Variants in DDX50 observed in about 807,000 individuals in gnomAD.
DDX50 encodes ATP-dependent RNA helicase DDX50.
A neutral mutation model predicts 94.8 loss-of-function variants in DDX50; 56 were observed. The observed-to-expected ratio is 0.59, with a 90% confidence interval of 0.48 to 0.74. The LOEUF is 0.74. Ranked by LOEUF, DDX50 falls within the 30% of genes least tolerant of loss-of-function variation. DDX50 has a pLI of 0.00. For missense variants in DDX50, 713 were observed against 881.2 expected (o/e 0.81, Z 2.42); for synonymous variants, 264 against 295.4 (o/e 0.89, Z 1.09).
intron 1 of DDX50, among the ~76,000 whole-genome samples, chr10:68,905,388 G>A (rs1019360681): frequency 1.3e-5 from 2 of 149,662 alleles, no homozygotes; most frequent in Admixed American, 6.7e-5. Context: ...CTGTCCTTCC[G>A]TGGAAGTATA....
intron 8 of DDX50, among the ~76,000 whole-genome samples, chr10:68,931,219 C>G (rs545994142): frequency 5.3e-5 from 8 of 151,348 alleles, no homozygotes; most frequent in African/African-American, 1.5e-4. Context: ...TTTTGTTCAC[C>G]TTTTTATCCC....
chr10:68,937,240 C>G (rs1842445332), intron 12 of DDX50, 145 bp downstream of exon 12: 1 of 844,038 alleles, frequency 1.2e-6, no homozygotes, highest in African/African-American at 1.8e-5. Context: ...TCCTCTACTC[C>G]CTAATAAATC....
rs576498818 is a variant in DDX50, at chr10:68,943,885, GTTA to G, written c.1935+633_1935+635del. Among the ~76,000 whole-genome samples the G allele has an allele frequency of 1.8e-3, 279 of 152,226 alleles. 1 individual carries two copies. The highest frequency in any genetic ancestry group is 6.5e-3 in the African/African-American group (270 of 41,528). On this transcript the variant is annotated intron_variant, in intron 14 of 14. Coordinates refer to ENST00000373585, the MANE Select transcript of DDX50 (RefSeq NM_024045.2). Reference sequence around the variant, plus strand: ...AGCCACCATACCCAGTAAAAAATTTGTTATTATAAATCATTTCAAACATATTTT... The same window carrying G: ...AGCCACCATACCCAGTAAAAAATTTGTTATAAATCATTTCAAACATATTTT...
intron 13 of DDX50, 102 bp from the exon 14 acceptor site, chr10:68,943,111 A>G (rs1842589829): frequency 9.7e-7 from 1 of 1,026,670 alleles, no homozygotes; most frequent in South Asian, 1.4e-5. Flanking sequence ...TTAAATTTAG[A>G]AAATACATTA....
intron 14 of DDX50, 74 bp from the exon 15 acceptor site, chr10:68,946,278 T>C: frequency 6.7e-7 from 1 of 1,492,050 alleles, no homozygotes; most frequent in Non-Finnish European, 9.0e-7. Context: ...GAAAAAGGTG[T>C]CTTCTTGTAC....
chr10:68,913,888 C>A (rs990199214), intron 6 of DDX50, among the ~76,000 whole-genome samples, 171 bp from the exon 7 acceptor site: 1 of 151,888 alleles, frequency 6.6e-6, no homozygotes, highest in South Asian at 2.1e-4. Context: ...TCATATTGTC[C>A]CCCAGTTTTG....
chr10:68,930,042 TCTTCCTTC>T (rs1176073447), intron 8 of DDX50, among the ~76,000 whole-genome samples: 1 of 148,240 alleles, frequency 6.7e-6, no homozygotes, highest in Non-Finnish European at 1.5e-5. Context: ...CTGGTCCCTT[TCTTCCTTC>T]CTTCCTTCCT....
intron 8 of DDX50, among the ~76,000 whole-genome samples, chr10:68,931,335 C>T (rs1448617525): frequency 2.0e-5 from 3 of 146,492 alleles, no homozygotes; most frequent in East Asian, 4.0e-4. Context: ...TTTTCAGAAA[C>T]AGGGTCTTGC....
At position 68,936,468 on chromosome 10, in the gene DDX50, G is replaced by A. The variant is rs373683464; in HGVS notation, c.1595+389G>A. Among the ~76,000 whole-genome samples, 783 of 109,424 alleles carry A rather than the reference G, an allele frequency of 7.2e-3. 10 individuals are homozygous for A. The highest frequency in any genetic ancestry group is 0.026 in the African/African-American group (748 of 28,344). The allele number at this position is 109,424 out of a possible 152,430, so 71.8% of individuals were successfully genotyped here. ...TGCACCACTGCATTCCAGCCTGGGCGACAGAGCAAGACTCTGTCTCAAAAA... is the reference window on the plus strand; with the variant it reads ...TGCACCACTGCATTCCAGCCTGGGCAACAGAGCAAGACTCTGTCTCAAAAA... On this transcript the variant is annotated intron_variant, in intron 11 of 14. Coordinates refer to ENST00000373585, the MANE Select transcript of DDX50 (RefSeq NM_024045.2).
chr10:68,944,183 T>A (rs1193819844), intron 14 of DDX50, among the ~76,000 whole-genome samples: 3 of 152,200 alleles, frequency 2.0e-5, no homozygotes, highest in Non-Finnish European at 4.4e-5. Flanking sequence ...TTTATTTAAA[T>A]TTTTCCATTT....
At chr10:68,905,943 A>G (rs1327080709) in intron 1 of DDX50, among the ~76,000 whole-genome samples, 1 of 152,166 alleles carries the variant, frequency 6.6e-6, no homozygotes, top group East Asian at 1.9e-4. Flanking sequence ...ATAAAATGGC[A>G]AAGGTAATAC....
At chr10:68,945,964 A>G (rs1442684862) in intron 14 of DDX50, among the ~76,000 whole-genome samples, 1 of 151,596 alleles carries the variant, frequency 6.6e-6, no homozygotes, top group African/African-American at 2.4e-5. Flanking sequence ...TTATTTAATT[A>G]GTAATACATA....
At chr10:68,930,276 C>A (rs1360746387) in intron 8 of DDX50, among the ~76,000 whole-genome samples, 1 of 151,802 alleles carries the variant, frequency 6.6e-6, no homozygotes, top group Non-Finnish European at 1.5e-5. Flanking sequence ...TGCCATCATG[C>A]CTGGCTAATT....
intron 2 of DDX50, among the ~76,000 whole-genome samples, chr10:68,908,151 T>G (rs1430186024): frequency 1.3e-5 from 2 of 152,156 alleles, no homozygotes; most frequent in Non-Finnish European, 2.9e-5. Flanking sequence ...CATTGTATCT[T>G]GTTAAAAGAA....
intron 7 of DDX50, among the ~76,000 whole-genome samples, chr10:68,918,149 C>G (rs1026180084): frequency 1.3e-5 from 2 of 152,070 alleles, no homozygotes; most frequent in Non-Finnish European, 1.5e-5. Flanking sequence ...GGTTCAAACT[C>G]CTGACCTCAG....
intron 12 of DDX50, among the ~76,000 whole-genome samples, chr10:68,938,261 T>A (rs1842472367): frequency 6.6e-6 from 1 of 152,162 alleles, no homozygotes; most frequent in African/African-American, 2.4e-5. Flanking sequence ...GCAAAGTAAG[T>A]AAGAAATGCC....
intron 2 of DDX50, among the ~76,000 whole-genome samples, chr10:68,908,451 CAAA>C (rs71223162): frequency 2.3e-5 from 1 of 43,706 alleles, no homozygotes; most frequent in Non-Finnish European, 4.3e-5. Flanking sequence ...AACTCCATCT[CAAA>C]AAAAAAAAAA....
intron 8 of DDX50, among the ~76,000 whole-genome samples, chr10:68,926,990 G>A (rs551298404): frequency 6.6e-6 from 1 of 152,080 alleles, no homozygotes; most frequent in East Asian, 1.9e-4. Flanking sequence ...ACGGCTCACT[G>A]CAGCCTCAGT....
At chr10:68,931,991 C>T (rs751880888) in intron 8 of DDX50, among the ~76,000 whole-genome samples, 2 of 152,156 alleles carry the variant, frequency 1.3e-5, no homozygotes, top group Non-Finnish European at 2.9e-5. Flanking sequence ...TGTTAGGTCT[C>T]AGCTTCAGTG....
Sources: allele counts gnomAD v4.1 joint callset (sites outside exome capture counted in the v4.1 genomes callset), GRCh38; gene constraint gnomAD v4.1.1; transcripts MANE v1.5; gene names NCBI Gene and HGNC (gene_info 2026-07-23, HGNC 2026-07-21).